BCL11A: variants seen among roughly 807,000 people sequenced by gnomAD.
BCL11A encodes the protein BCL11 transcription factor A.
BCL11A carries 2 observed loss-of-function variants against 55.9 expected under a neutral mutation model. The ratio of observed to expected loss-of-function variants is 0.04; its 90% CI spans 0.01 to 0.11. The LOEUF (loss-of-function observed/expected upper bound fraction) is 0.11. BCL11A is among the 10% of genes least tolerant of loss of function. The pLI is 1.00. For synonymous variants in BCL11A, 465 were observed against 473.4 expected, an observed-to-expected ratio of 0.98 and a Z score of 0.23; for missense variants, 817 against 1,137.1, an observed-to-expected ratio of 0.72 and a Z score of 4.05.
At chr2:60,498,441 AG>A (rs1437888680) in intron 2 of BCL11A, among the ~76,000 whole-genome samples, 1 of 152,144 alleles carries the variant, frequency 6.6e-6, no homozygotes, top group Non-Finnish European at 1.5e-5. Flanking sequence ...ACAAGATCAC[AG>A]GGTGTGCCCT....
At chr2:60,454,548 C>G (rs1675860645), downstream of BCL11A, among the ~76,000 whole-genome samples, 1 of 152,016 alleles carries the variant, frequency 6.6e-6, no homozygotes, top group Non-Finnish European at 1.5e-5. Flanking sequence ...ATGAGGAACA[C>G]ACAGTTACAA....
chr2:60,520,675 A>T (rs545379011), intron 2 of BCL11A, among the ~76,000 whole-genome samples: 2 of 152,298 alleles, frequency 1.3e-5, no homozygotes, highest in South Asian at 4.1e-4. Flanking sequence ...AGAAGCACCA[A>T]GGAGAGTGAA....
intron 2 of BCL11A, among the ~76,000 whole-genome samples, chr2:60,477,507 G>A (rs965883902): frequency 1.3e-5 from 2 of 152,084 alleles, no homozygotes; most frequent in African/African-American, 4.8e-5. Flanking sequence ...TGTAGATGAT[G>A]GGTTGATAGG....
At chr2:60,527,417 C>A (rs2104602945) in intron 2 of BCL11A, 1 of 152,368 alleles carries the variant, frequency 6.6e-6, no homozygotes, top group South Asian at 2.1e-4. Context: ...TATGTAGAGA[C>A]AATGAAGAGG....
chr2:60,492,786 C>G (rs1440098259), intron 2 of BCL11A, among the ~76,000 whole-genome samples: 2 of 152,214 alleles, frequency 1.3e-5, no homozygotes, highest in Non-Finnish European at 2.9e-5. Context: ...TGGTTCCACT[C>G]CAGTGGTGGG....
intron 2 of BCL11A, among the ~76,000 whole-genome samples, chr2:60,491,633 T>C (rs1678638518): frequency 6.6e-6 from 1 of 150,524 alleles, no homozygotes; most frequent in Admixed American, 6.6e-5. Context: ...ATCGCGCCAT[T>C]GCATTCCAGC....
chr2:60,514,527 G>A (rs1668640834), intron 2 of BCL11A, among the ~76,000 whole-genome samples: 1 of 150,738 alleles, frequency 6.6e-6, no homozygotes, highest in South Asian at 2.1e-4. Context: ...AATCAGCCAG[G>A]TGTGATGGCA....
In BCL11A at chr2:60,457,888, C is replaced by A; in HGVS notation, c.*2516G>T. 9.5e-7 allele frequency: 1 copy of A among 1,049,082 alleles called. No homozygotes were observed. Among genetic ancestry groups the A allele is most frequent in the Non-Finnish European group, 1.2e-6 (1 of 869,096 alleles). The allele number at this position is 1,049,082 out of a possible 1,614,324, so 65.0% of individuals were successfully genotyped here. On this transcript the variant is annotated 3_prime_UTR_variant, in exon 4 of 4. Transcript: ENST00000642384. ...GACAGCCATCCATGTGACATTCTAG[C>A]AGGCTCCCCCAAACCGCCATTATAT...
At chr2:60,525,166 T>C (rs1420586150) in intron 2 of BCL11A, 1 of 152,220 alleles carries the variant, frequency 6.6e-6, no homozygotes, top group Non-Finnish European at 1.5e-5. Context: ...CTGAATTCAG[T>C]CAGTTAATTG....
Position 60,553,652 on chromosome 2 carries a change from G to A in BCL11A, c.-382C>T. The stretch of plus-strand genomic sequence containing the variant: ...AACGTCAGGAGTCTGGATGGACAGA[G>A]ACACACAAAACATGGGCAGGGCGAG... On this transcript the variant is annotated 5_prime_UTR_variant, in exon 1 of 4. Coordinates refer to ENST00000642384, the MANE Select transcript of BCL11A (RefSeq NM_022893.4). 1 of 293,292 alleles carries A rather than the reference G, an allele frequency of 3.4e-6. No homozygotes were observed. Among genetic ancestry groups the A allele is most frequent in the Non-Finnish European group, 6.2e-6 (1 of 161,848 alleles). 18.2% of individuals were successfully genotyped at this position (293,292 alleles called of 1,614,324 possible). A position where few individuals can be genotyped will look rare whatever the true frequency, so the allele number is the denominator to read the frequency against.
At chr2:60,550,234 T>C (rs1670345360) in intron 1 of BCL11A, among the ~76,000 whole-genome samples, 1 of 152,096 alleles carries the variant, frequency 6.6e-6, no homozygotes, top group Non-Finnish European at 1.5e-5. Flanking sequence ...TGCACCGTGC[T>C]CCGAGCCCGG....
At chr2:60,515,564 A>G (rs772727296) in intron 2 of BCL11A, among the ~76,000 whole-genome samples, 10 of 152,216 alleles carry the variant, frequency 6.6e-5, no homozygotes, top group Non-Finnish European at 1.5e-4. Context: ...TTGCTGACAG[A>G]GTCAGGCCTT....
At chr2:60,511,204 T>C (rs965163770) in intron 2 of BCL11A, among the ~76,000 whole-genome samples, 4 of 152,218 alleles carry the variant, frequency 2.6e-5, no homozygotes, top group Non-Finnish European at 5.9e-5. Flanking sequence ...GCAGGGGCAC[T>C]GGGGAGGGCA....
At chr2:60,501,278 C>T (rs907500743) in intron 2 of BCL11A, among the ~76,000 whole-genome samples, 2 of 152,206 alleles carry the variant, frequency 1.3e-5, no homozygotes, top group East Asian at 1.9e-4. Flanking sequence ...TGGAATGAGC[C>T]TCATTCCCTG....
intron 2 of BCL11A, among the ~76,000 whole-genome samples, chr2:60,512,600 G>A (rs1343805353): frequency 6.6e-6 from 1 of 152,176 alleles, no homozygotes; most frequent in African/African-American, 2.4e-5. Flanking sequence ...AGACTAGATG[G>A]TATCTGCCTC....
At chr2:60,530,703 A>G (rs1196103428) in intron 2 of BCL11A, among the ~76,000 whole-genome samples, 1 of 151,644 alleles carries the variant, frequency 6.6e-6, no homozygotes, top group Non-Finnish European at 1.5e-5. Flanking sequence ...AAAGGAAAAA[A>G]AAAACACTGA....
At chr2:60,524,625 A>T (rs563207522) in intron 2 of BCL11A, 1 of 152,284 alleles carries the variant, frequency 6.6e-6, no homozygotes, top group East Asian at 1.9e-4. Context: ...CAGTAATTTA[A>T]ATAAATTACC....
rs1676042344 is a variant in BCL11A at position 60,458,362 on chromosome 2, C to T, written c.*2042G>A. The T allele has an allele frequency of 9.8e-7, 1 of 1,024,042 alleles. No individual in the cohort carries two copies. The highest frequency in any genetic ancestry group is 1.7e-5 in the African/African-American group (1 of 58,406). The allele number at this position is 1,024,042 out of a possible 1,614,324, so 63.4% of individuals were successfully genotyped here. The stretch of plus-strand genomic sequence containing the variant: ...TTTAAATGGATAACAAGTCTTGTAA[C>T]ACCACCAAGACAATGGAACCCTAAA... On this transcript the variant is annotated 3_prime_UTR_variant, in exon 4 of 4. Transcript: ENST00000642384.
chr2:60,531,327 G>T lies in BCL11A; in HGVS notation c.385+14644C>A, dbSNP rs11681552. Among the ~76,000 whole-genome samples, 701 of 152,106 alleles carry T rather than the reference G, an allele frequency of 4.6e-3. 1 individual carries two copies. Among genetic ancestry groups the T allele is most frequent in the Middle Eastern group, 0.017 (5 of 294 alleles). On this transcript the variant is annotated intron_variant, in intron 2 of 3. Coordinates refer to ENST00000642384, the MANE Select transcript of BCL11A (RefSeq NM_022893.4). ...AAACCAGAAAATAAATTAAATACTG[G>T]GACTGCCCCCTCCTTTGCGTTCTGC...
Sources: allele counts gnomAD v4.1 joint callset (sites outside exome capture counted in the v4.1 genomes callset), GRCh38; gene constraint gnomAD v4.1.1; transcripts MANE v1.5; gene names NCBI Gene and HGNC (gene_info 2026-07-23, HGNC 2026-07-21).